Variants in CNTN3 observed in about 807,000 individuals in gnomAD.
CNTN3 encodes contactin 3.
In CNTN3, 60 loss-of-function variants were observed where a neutral mutation model predicts 119.1. The observed-to-expected ratio is 0.50, with a 90% CI of 0.41 to 0.62. CNTN3 has a LOEUF of 0.62. Among genes scored for constraint, CNTN3 ranks in the 20% least tolerant of loss-of-function variants. CNTN3 has a pLI of 0.00. For synonymous variants in CNTN3, 450 were observed against 438.7 expected (o/e 1.03, Z -0.32); for missense variants, 1,101 against 1,242.4 (o/e 0.89, Z 1.71).
At chr3:74,422,413 C>T (rs1210015859) in intron 5 of CNTN3, among the ~76,000 whole-genome samples, 7 of 152,102 alleles carry the variant, frequency 4.6e-5, no homozygotes, top group Admixed American at 6.5e-5. Flanking sequence ...TCATCCCAAC[C>T]GAGTGTTTTA....
chr3:74,518,740 T>G (rs914949864), intron 2 of CNTN3, among the ~76,000 whole-genome samples: 2 of 151,940 alleles, frequency 1.3e-5, no homozygotes, highest in African/African-American at 4.8e-5. Context: ...GGAAGACTAG[T>G]ACAGAAATTC....
Position 74,336,557 on chromosome 3 carries a change from T to G in CNTN3, c.1466A>C (p.Asn489Thr), listed in dbSNP as rs150593292. ...CGTAACAACCAAATGTGTTGTGCCATTTGCTTTCCCAAACTGGTTTTCTGC... is the reference window on the plus strand; with the variant it reads ...CGTAACAACCAAATGTGTTGTGCCAGTTGCTTTCCCAAACTGGTTTTCTGC... ...CMAENQFGKANGTTHLVVTEP... is the reference protein window; with the variant it reads ...CMAENQFGKATGTTHLVVTEP... The change falls in exon 12 of 23, where the codon AAT (asparagine) becomes ACT (threonine). Residue 489 changes from asparagine (N) to threonine (T), a missense_variant. By Grantham distance (65) the Asn-to-Thr change is moderately conservative. Transcript: ENST00000263665. 7.8e-4 allele frequency: 1,266 copies of G among 1,612,974 alleles called. 1 individual carries two copies. The highest frequency in any genetic ancestry group is 1.0e-3 in the Non-Finnish European group (1,201 of 1,179,180).
intron 1 of CNTN3, among the ~76,000 whole-genome samples, chr3:74,549,762 G>A (rs1703963396): frequency 2.0e-5 from 3 of 152,108 alleles, no homozygotes; most frequent in Non-Finnish European, 4.4e-5. Flanking sequence ...GTGTGCAAGT[G>A]ACCCTTCTCA....
At chr3:74,374,319 T>G (rs1176779231) in intron 5 of CNTN3, among the ~76,000 whole-genome samples, 1 of 152,042 alleles carries the variant, frequency 6.6e-6, no homozygotes, top group Non-Finnish European at 1.5e-5. Flanking sequence ...CTCCAGTTTC[T>G]TTTTATAAGT....
intron 4 of CNTN3, among the ~76,000 whole-genome samples, chr3:74,482,706 C>T (rs192668916): frequency 3.4e-4 from 52 of 152,196 alleles, no homozygotes; most frequent in African/African-American, 1.2e-3. Context: ...AGAAGAGACA[C>T]AGCTAAATTG....
intron 1 of CNTN3, among the ~76,000 whole-genome samples, chr3:74,538,624 G>A (rs1357015973): frequency 1.3e-5 from 2 of 152,074 alleles, no homozygotes; most frequent in East Asian, 1.9e-4. Flanking sequence ...ATAAATAAAG[G>A]TTGTTATCAT....
Position 74,264,467 on chromosome 3 carries a change from C to G in CNTN3, c.3021G>C (p.Ser1007=), listed in dbSNP as rs1236515822. The G allele has an allele frequency of 6.2e-7, 1 of 1,611,972 alleles. No homozygotes were observed. Among genetic ancestry groups the G allele is most frequent in the African/African-American group, 1.3e-5 (1 of 74,784 alleles). ...MDARGSTSAI[S]NVHPMSSYMP... ...TATAACTTGACATAGGGTGGACATT[C>G]GAGATGGCTGAAGTGGATCCTCTTG... is the stretch of plus-strand genomic sequence containing the variant. Residue 1007 remains serine (S), a synonymous_variant, in exon 23 of 23, where the codon TCG becomes TCC. Transcript: ENST00000263665.
chr3:74,473,117 A>C (rs1180742525), intron 4 of CNTN3, among the ~76,000 whole-genome samples: 1 of 151,454 alleles, frequency 6.6e-6, no homozygotes, highest in East Asian at 1.9e-4. Flanking sequence ...GCTACCCTCT[A>C]CTGATAGGAG....
At chr3:74,517,186 CT>C (rs1204535113) in intron 2 of CNTN3, among the ~76,000 whole-genome samples, 5 of 151,906 alleles carry the variant, frequency 3.3e-5, no homozygotes, top group Non-Finnish European at 7.4e-5. Context: ...AGATACCCAC[CT>C]TTTTAGGCCA....
chr3:74,492,010 G>A (rs1024641401), intron 3 of CNTN3, among the ~76,000 whole-genome samples: 1 of 152,098 alleles, frequency 6.6e-6, no homozygotes, highest in African/African-American at 2.4e-5. Flanking sequence ...TTTACATTGT[G>A]CTCCAGAAGC....
chr3:74,558,623 TG>T (rs1232205388), intron 1 of CNTN3, among the ~76,000 whole-genome samples: 1 of 152,188 alleles, frequency 6.6e-6, no homozygotes, highest in East Asian at 1.9e-4. Context: ...ACTATCTCTT[TG>T]CCCTTCAGTA....
At chr3:74,459,635 T>C (rs796571719) in intron 4 of CNTN3, among the ~76,000 whole-genome samples, 38 of 152,078 alleles carry the variant, frequency 2.5e-4, no homozygotes, top group African/African-American at 8.2e-4. Context: ...TTGTACATGC[T>C]GTGCCCTCTG....
At chr3:74,384,339 GA>G (rs1263402586) in intron 5 of CNTN3, among the ~76,000 whole-genome samples, 15 of 152,242 alleles carry the variant, frequency 9.9e-5, no homozygotes, top group African/African-American at 3.6e-4. Context: ...CTTGTGAAAA[GA>G]AAAAGCAGCA....
At chr3:74,507,555 T>C (rs182394266) in intron 2 of CNTN3, among the ~76,000 whole-genome samples, 9 of 152,106 alleles carry the variant, frequency 5.9e-5, no homozygotes, top group African/African-American at 1.4e-4. Context: ...GCACTGTGTT[T>C]GTAAATGTCT....
intron 13 of CNTN3, among the ~76,000 whole-genome samples, chr3:74,305,486 C>T (rs983731698): frequency 2.6e-5 from 4 of 151,974 alleles, no homozygotes; most frequent in African/African-American, 9.7e-5. Context: ...TCCATAATAG[C>T]TAAAAATAGA....
chr3:74,553,877 T>A (rs2107164519), intron 1 of CNTN3, among the ~76,000 whole-genome samples: 1 of 152,270 alleles, frequency 6.6e-6, no homozygotes, highest in South Asian at 2.1e-4. Flanking sequence ...TGCCTATTCA[T>A]TTTGATGATA....
chr3:74,461,715 CTAAAATGGTTTGACAAAAAA>C (rs1451039738), intron 4 of CNTN3, among the ~76,000 whole-genome samples: 4 of 151,950 alleles, frequency 2.6e-5, no homozygotes, highest in Non-Finnish European at 5.9e-5. Context: ...CAGACAATAA[CTAAAATGGTTTGACAAAAAA>C]TTGAGGAACT....
At chr3:74,562,887 C>T (rs1162494047) in intron 1 of CNTN3, among the ~76,000 whole-genome samples, 1 of 152,030 alleles carries the variant, frequency 6.6e-6, no homozygotes, top group African/African-American at 2.4e-5. Flanking sequence ...TAAAACCAGT[C>T]AAAATGTAAA....
chr3:74,292,438 C>T (rs1251790024), intron 19 of CNTN3, among the ~76,000 whole-genome samples: 1 of 152,148 alleles, frequency 6.6e-6, no homozygotes, highest in Non-Finnish European at 1.5e-5. Flanking sequence ...TGGTGGCGTG[C>T]ACCTGTAATC....
Sources: gnomAD v4.1 joint callset for allele counts (sites outside exome capture counted in the v4.1 genomes callset) on GRCh38, gnomAD v4.1.1 for gene constraint, MANE v1.5 for transcripts, NCBI Gene and HGNC (gene_info 2026-07-23, HGNC 2026-07-21) for gene names.